Variants in ECSCR observed in about 807,000 individuals in gnomAD.
ECSCR encodes endothelial cell-specific chemotaxis regulator.
Under a neutral mutation model 16.7 loss-of-function variants are expected in ECSCR, and 12 were observed. That is an observed-to-expected ratio of 0.72 (90% CI 0.46 to 1.17). ECSCR has a LOEUF of 1.17. Among genes scored for constraint, ECSCR ranks in the 50% most tolerant of loss-of-function variants. ECSCR has a pLI of 0.00. For synonymous variants in ECSCR, 44 were observed against 42.2 expected (o/e 1.04, Z -0.17); for missense variants, 122 against 116.1 (o/e 1.05, Z -0.23).
chr5:139,448,882 G>A lies in ECSCR; in HGVS notation c.*18C>T. On this transcript the variant is annotated 3_prime_UTR_variant, in exon 10 of 10. Coordinates refer to ENST00000618155, the MANE Select transcript of ECSCR (RefSeq NM_001077693.4). ...GCAGCTGCATCATCCTTGGACTCAT[G>A]GGGACCCAAAGTTGCTTTTAAAGAA... The A allele has an allele frequency of 6.5e-7, 1 of 1,537,194 alleles. No homozygotes were observed. The highest frequency in any genetic ancestry group is 1.2e-5 in the South Asian group (1 of 84,048).
chr5:139,457,980 A>G, intron 2 of ECSCR, 159 bp downstream of exon 2: 2 of 625,330 alleles, frequency 3.2e-6, no homozygotes, highest in Non-Finnish European at 2.0e-6. Flanking sequence ...GCTGAAAAAA[A>G]ATCCTTAGAT....
rs1751123757 is a variant in ECSCR, at chr5:139,454,885, T to C, written c.415A>G (p.Ile139Val). The C allele has an allele frequency of 2.5e-6, 1 of 398,292 alleles. No homozygotes were observed. The highest frequency in any genetic ancestry group is 4.4e-6 in the Non-Finnish European group (1 of 226,198). The allele number at this position is 398,292 out of a possible 1,614,324, so 24.7% of individuals were successfully genotyped here. ...AGGCTGACCACACCAACTAGGATGA[T>C]CACCACAACCACCAGGATGACAATG... ...SFIVILVVVV[I>V]ILVGVVSLRF... The change falls in exon 7 of 10, where the codon ATC becomes GTC. Residue 139 changes from isoleucine to valine, a missense_variant. Physicochemically the swap from Ile to Val is conservative, Grantham distance 29 (BLOSUM62 3). Coordinates refer to ENST00000618155, the MANE Select transcript of ECSCR (RefSeq NM_001077693.4).
chr5:139,452,143 GTGGATGTGCGTGGGGTGTGTGTGTA>G (rs1751066886), intron 8 of ECSCR, among the ~76,000 whole-genome samples: 1 of 146,362 alleles, frequency 6.8e-6, no homozygotes, highest in Non-Finnish European at 1.5e-5. Context: ...TGTGTGGTAT[GTGGATGTGCGTGGGGTGTGTGTGTA>G]GTATATGGGT....
In ECSCR at chr5:139,454,642, TA is replaced by T; in HGVS notation, c.476-5del. ...GAACTCCCAGGTTTCTGGGGATCTG[TA>T]AAAAGCCAAAGGCACAGGTTGGGGC... is the stretch of plus-strand genomic sequence containing the variant. On this transcript the variant is annotated splice_polypyrimidine_tract_variant and splice_region_variant and intron_variant, in intron 7 of 9. Transcript: ENST00000618155. 2.5e-6 allele frequency: 1 copy of T among 398,252 alleles called. No individual in the cohort carries two copies. Among genetic ancestry groups the T allele is most frequent in the Non-Finnish European group, 4.4e-6 (1 of 225,922 alleles). The allele number at this position is 398,252 out of a possible 1,614,324, so 24.7% of individuals were successfully genotyped here.
intron 4 of ECSCR, among the ~76,000 whole-genome samples, chr5:139,457,102 G>A (rs946316263): frequency 2.0e-5 from 3 of 152,216 alleles, no homozygotes; most frequent in South Asian, 4.1e-4. Flanking sequence ...CATGTGCACC[G>A]GGTGGGCTCT....
chr5:139,462,737 A>T lies in ECSCR; in HGVS notation c.-67T>A. The T allele has an allele frequency of 2.5e-5, 12 of 485,418 alleles. No homozygotes were observed. Among genetic ancestry groups the T allele is most frequent in the African/African-American group, 4.5e-5 (2 of 44,878 alleles). 30.1% of individuals were successfully genotyped at this position (485,418 alleles called of 1,614,324 possible). A position where few individuals can be genotyped will look rare whatever the true frequency, so the allele number is the denominator to read the frequency against. On this transcript the variant is annotated 5_prime_UTR_variant, in exon 1 of 10. Transcript: ENST00000618155. ...GCTCTGTCCATAGTGGAGAAGAGAG[A>T]GGGAGTGCTGGGGCGGGATGGGGGT...
chr5:139,462,705 AG>A lies in ECSCR; in HGVS notation c.-36del. 7.8e-7 allele frequency: 1 copy of A among 1,277,834 alleles called. No homozygotes were observed. Among genetic ancestry groups the A allele is most frequent in the South Asian group, 1.2e-5 (1 of 80,882 alleles). 79.2% of individuals were successfully genotyped at this position (1,277,834 alleles called of 1,614,324 possible). On this transcript the variant is annotated 5_prime_UTR_variant, in exon 1 of 10. In the 5' UTR this introduces an upstream ATG that the reference lacks. Transcript: ENST00000618155. Reference sequence around the variant, plus strand: ...GTATGTGGCGGGCAGGCAGCAGCTCAGTGGAGGCTCTGTCCATAGTGGAGAA... The same window carrying A: ...GTATGTGGCGGGCAGGCAGCAGCTCATGGAGGCTCTGTCCATAGTGGAGAA...
chr5:139,458,534 G>GAA (rs1751220102), intron 1 of ECSCR, among the ~76,000 whole-genome samples: 1 of 101,240 alleles, frequency 9.9e-6, no homozygotes, highest in African/African-American at 4.4e-5. Context: ...AAAAAAAAAA[G>GAA]AAAGAAAAAG....
At chr5:139,453,753 G>A (rs1286137163) in intron 8 of ECSCR, among the ~76,000 whole-genome samples, 3 of 148,588 alleles carry the variant, frequency 2.0e-5, no homozygotes, top group African/African-American at 7.5e-5. Flanking sequence ...GGGGAGTGTG[G>A]TGTGTTTGTG....
At chr5:139,458,231 A>G in intron 1 of ECSCR, 48 bp from the exon 2 acceptor site, 1 of 1,531,800 alleles carries the variant, frequency 6.5e-7, no homozygotes. Context: ...CCTGCCCAGC[A>G]CAGAGCCTAG....
chr5:139,449,256 C>T, intron 8 of ECSCR, 82 bp from the exon 9 acceptor site: 2 of 1,024,476 alleles, frequency 2.0e-6, no homozygotes, highest in South Asian at 1.4e-5. Context: ...GTTGTTGAGC[C>T]TTAGACCTTT....
chr5:139,448,984 G>C, intron 9 of ECSCR, 76 bp from the exon 10 acceptor site: 1 of 1,535,208 alleles, frequency 6.5e-7, no homozygotes. Context: ...AGAAAAGCCA[G>C]AGTCTTTGAA....
chr5:139,456,761 C>T (rs1397164496), intron 4 of ECSCR, among the ~76,000 whole-genome samples: 3 of 152,236 alleles, frequency 2.0e-5, no homozygotes, highest in African/African-American at 7.2e-5. Context: ...GGTCCTGTCT[C>T]TACGCCCCAC....
At chr5:139,460,118 T>C (rs997409785) in intron 1 of ECSCR, among the ~76,000 whole-genome samples, 4 of 151,764 alleles carry the variant, frequency 2.6e-5, no homozygotes, top group Admixed American at 6.6e-5. Flanking sequence ...ATCCAGCATA[T>C]GTAATGTATT....
At chr5:139,456,447 C>T (rs1751160240) in intron 5 of ECSCR, 27 bp downstream of exon 5, 2 of 398,488 alleles carry the variant, frequency 5.0e-6, no homozygotes, top group African/African-American at 4.1e-5. Context: ...GCCGACTTCT[C>T]TTCAGGGCGA....
chr5:139,461,265 G>A (rs1751297591), intron 1 of ECSCR, among the ~76,000 whole-genome samples: 1 of 152,202 alleles, frequency 6.6e-6, no homozygotes, highest in South Asian at 2.1e-4. Flanking sequence ...CATGCTCAAT[G>A]AAGGCCAGAC....
chr5:139,458,124 T>C lies in ECSCR; in HGVS notation c.106+15A>G, dbSNP rs1339784359. On this transcript the variant is annotated intron_variant, in intron 2 of 9. Coordinates refer to ENST00000618155, the MANE Select transcript of ECSCR (RefSeq NM_001077693.4). ...AGGCCTACACGCTGGAGTAGACCCA[T>C]GTGTTTGGTCTTACCCTGAGAGCTA... 1 of 1,548,832 alleles carries C rather than the reference T, an allele frequency of 6.5e-7. No homozygotes were observed. The highest frequency in any genetic ancestry group is 2.0e-5 in the Admixed American group (1 of 50,966).
At chr5:139,460,062 A>G (rs1333225495) in intron 1 of ECSCR, among the ~76,000 whole-genome samples, 1 of 152,132 alleles carries the variant, frequency 6.6e-6, no homozygotes, top group Non-Finnish European at 1.5e-5. Context: ...CCCTTGGAGA[A>G]TCCTTTTAAC....
At chr5:139,451,165 G>A (rs1283620613) in intron 8 of ECSCR, among the ~76,000 whole-genome samples, 1 of 150,294 alleles carries the variant, frequency 6.7e-6, no homozygotes, top group Non-Finnish European at 1.5e-5. Context: ...TGTGTGTGGT[G>A]TAATGCATGT....
Sources: allele counts gnomAD v4.1 joint callset (sites outside exome capture counted in the v4.1 genomes callset), GRCh38; gene constraint gnomAD v4.1.1; transcripts MANE v1.5; gene names NCBI Gene and HGNC (gene_info 2026-07-23, HGNC 2026-07-21).